The following AFAP1L2 variants were observed in gnomAD, a reference collection of about 807,000 sequenced individuals.
The protein encoded by AFAP1L2 is actin filament associated protein 1 like 2.
A neutral mutation model predicts 99.3 loss-of-function variants in AFAP1L2; 46 were observed. The ratio of observed to expected loss-of-function variants is 0.46; its 90% CI spans 0.37 to 0.59. AFAP1L2 has a LOEUF of 0.59. Ranked by LOEUF, AFAP1L2 falls within the 20% of genes least tolerant of loss-of-function variation. AFAP1L2 has a pLI of 0.00. For missense variants in AFAP1L2, 959 were observed against 1,034.9 expected (o/e 0.93, Z 1.01); for synonymous variants, 397 against 419.1 (o/e 0.95, Z 0.64).
At chr10:114,391,495 C>A (rs1398125685) in intron 1 of AFAP1L2, among the ~76,000 whole-genome samples, 1 of 152,250 alleles carries the variant, frequency 6.6e-6, no homozygotes, top group African/African-American at 2.4e-5. Context: ...GCTGGGATTA[C>A]AGGCATGAGC....
At chr10:114,284,977 A>C in the AFAP1L2 span, 2 of 1,585,770 alleles carry the variant, frequency 1.3e-6, no homozygotes, top group South Asian at 2.3e-5. Flanking sequence ...TGTGGTAGGT[A>C]TGCACCGGCC....
rs1489173176 is a variant in AFAP1L2, at chr10:114,300,275, G to A, written c.1876C>T (p.Pro626Ser). ...GCCACCACGGCATCCGGGCAGCTCG[G>A]TGGGAAGGAGATTCTCTGCTGTTCC... ...QTEQQRISFPPSCPDAVVATP... is the reference protein window; with the variant it reads ...QTEQQRISFPSSCPDAVVATP... Residue 626 changes from proline to serine, a missense_variant, in exon 15 of 19, where the codon CCG becomes TCG. By Grantham distance (74) the Pro-to-Ser change is moderately conservative. Coordinates refer to ENST00000304129, the MANE Select transcript of AFAP1L2 (RefSeq NM_001001936.3). 6 of 1,614,154 alleles carry A rather than the reference G, an allele frequency of 3.7e-6. No homozygotes were observed. The highest frequency in any genetic ancestry group is 5.1e-6 in the Non-Finnish European group (6 of 1,180,028).
chr10:114,328,882 C>A (rs6585271), intron 4 of AFAP1L2, among the ~76,000 whole-genome samples: 5,368 of 152,308 alleles, frequency 0.035, 284 homozygotes, highest in African/African-American at 0.12. Flanking sequence ...CACACCACAT[C>A]TGGAACACCC....
At chr10:114,316,059 ACCCTGAGAAGACACTG>A (rs2044084918) in intron 5 of AFAP1L2, among the ~76,000 whole-genome samples, 1 of 152,304 alleles carries the variant, frequency 6.6e-6, no homozygotes, top group South Asian at 2.1e-4. Context: ...CTCCACAGAA[ACCCTGAGAAGACACTG>A]CCCCACAGAC....
intron 1 of AFAP1L2, among the ~76,000 whole-genome samples, chr10:114,378,352 C>T (rs577482590): frequency 6.6e-6 from 1 of 152,326 alleles, no homozygotes; most frequent in East Asian, 1.9e-4. Context: ...CCAGCTGACA[C>T]ACTTGTAATT....
chr10:114,303,329 AC>A (rs1009062096), intron 11 of AFAP1L2, among the ~76,000 whole-genome samples: 1 of 152,112 alleles, frequency 6.6e-6, no homozygotes, highest in Non-Finnish European at 1.5e-5. Flanking sequence ...TATTTTAAAG[AC>A]AGAATCTTGT....
intron 10 of AFAP1L2, among the ~76,000 whole-genome samples, chr10:114,305,481 A>G (rs1263331343): frequency 9.3e-6 from 1 of 107,096 alleles, no homozygotes; most frequent in Non-Finnish European, 1.8e-5. Flanking sequence ...ACGCAGATGC[A>G]GGAGGGGACG....
chr10:114,336,696 T>A, intron 2 of AFAP1L2, among the ~76,000 whole-genome samples: 1 of 19,466 alleles, frequency 5.1e-5, no homozygotes, highest in Non-Finnish European at 9.7e-5. Flanking sequence ...CCTCTGAGGG[T>A]GGGGGTGGGA....
chr10:114,281,930 T>C, the AFAP1L2 span, among the ~76,000 whole-genome samples: 914 of 152,118 alleles, frequency 6.0e-3, 13 homozygotes, highest in African/African-American at 0.021. Context: ...CCTCAGAAAG[T>C]AACTTATAAT....
intron 1 of AFAP1L2, among the ~76,000 whole-genome samples, chr10:114,388,257 T>G (rs1358692023): frequency 6.6e-6 from 1 of 151,912 alleles, no homozygotes; most frequent in Non-Finnish European, 1.5e-5. Context: ...ACATTCCCTC[T>G]CAATGACAAG....
downstream of AFAP1L2, among the ~76,000 whole-genome samples, chr10:114,291,064 G>A (rs1380319340): frequency 3.9e-5 from 6 of 152,084 alleles, no homozygotes; most frequent in African/African-American, 1.4e-4. Flanking sequence ...AGCTCTGGAG[G>A]ATAATCACAT....
intron 1 of AFAP1L2, among the ~76,000 whole-genome samples, chr10:114,358,876 C>G (rs10736235): frequency 0.88 from 134,603 of 152,094 alleles, 61,245 homozygotes; most frequent in East Asian, 1. Context: ...GACTGCACCA[C>G]TGCCCTCCAG....
intron 1 of AFAP1L2, among the ~76,000 whole-genome samples, chr10:114,346,665 C>CG (rs2049629345): frequency 6.6e-6 from 1 of 152,232 alleles, no homozygotes; most frequent in Admixed American, 6.5e-5. Context: ...GTCTCTTCCT[C>CG]GTCCTCCTGT....
At chr10:114,362,239 G>A (rs909840079) in intron 1 of AFAP1L2, among the ~76,000 whole-genome samples, 9 of 152,168 alleles carry the variant, frequency 5.9e-5, no homozygotes, top group African/African-American at 2.2e-4. Flanking sequence ...ACTACCCACT[G>A]CAGTGGGTTG....
chr10:114,331,541 A>G (rs1311111854), intron 4 of AFAP1L2, among the ~76,000 whole-genome samples: 3 of 152,190 alleles, frequency 2.0e-5, no homozygotes, highest in Non-Finnish European at 4.4e-5. Context: ...GTGCTGGATA[A>G]AGAGCCTGAG....
intron 4 of AFAP1L2, among the ~76,000 whole-genome samples, chr10:114,331,080 G>C (rs1287913235): frequency 2.6e-5 from 4 of 152,134 alleles, no homozygotes; most frequent in Non-Finnish European, 5.9e-5. Flanking sequence ...GGCCAGTGAA[G>C]ACCCTGGATG....
chr10:114,372,048 C>G lies in AFAP1L2; in HGVS notation c.17-31317G>C, dbSNP rs139707716. 2.0e-4 allele frequency among the ~76,000 whole-genome samples: 31 copies of G among 152,338 alleles called. No homozygotes were observed. The South Asian group carries it at 6.2e-3, about 31-fold the overall frequency. ...CCCAGCAAGTCACATCTTGCAGAGA[C>G]AGCAACAACAAAGGTTCTTTCCCTT... is the stretch of plus-strand genomic sequence containing the variant. On this transcript the variant is annotated intron_variant, in intron 1 of 18. Transcript: ENST00000304129.
intron 5 of AFAP1L2, chr10:114,319,517 G>T (rs1217867376): frequency 1.6e-6 from 2 of 1,256,316 alleles, no homozygotes; most frequent in Admixed American, 4.6e-5. Context: ...GAGACAGGCA[G>T]CAGGCAAGAA....
chr10:114,305,335 G>T (rs1477854105), intron 10 of AFAP1L2, among the ~76,000 whole-genome samples: 7 of 149,852 alleles, frequency 4.7e-5, no homozygotes, highest in Non-Finnish European at 8.9e-5. Context: ...GGTCGCGGAT[G>T]CAGGAGGGGA....
Sources: allele counts gnomAD v4.1 joint callset (sites outside exome capture counted in the v4.1 genomes callset), GRCh38; gene constraint gnomAD v4.1.1; transcripts MANE v1.5; gene names NCBI Gene and HGNC (gene_info 2026-07-23, HGNC 2026-07-21).